Variants in MYO16 observed in about 807,000 individuals in gnomAD.
MYO16 encodes myosin XVI.
Under a neutral mutation model 205.3 loss-of-function variants are expected in MYO16, and 94 were observed. The observed-to-expected ratio is 0.46, with a 90% CI of 0.39 to 0.54. MYO16 has a LOEUF of 0.54. Ranked by LOEUF, MYO16 falls within the 20% of genes least tolerant of loss-of-function variation. The probability of loss-of-function intolerance (pLI) is 0.00; values close to 1 mark genes in which losing one functional copy is unlikely to be tolerated. For missense variants in MYO16, 2,315 were observed against 2,387.5 expected, an observed-to-expected ratio of 0.97 and a Z score of 0.63; for synonymous variants, 988 against 954.0, an observed-to-expected ratio of 1.04 and a Z score of -0.66.
At position 108,962,481 on chromosome 13, in the gene MYO16, T is replaced by A; in HGVS notation, c.2213T>A (p.Ile738Asn). The A allele has an allele frequency of 6.3e-7, 1 of 1,581,878 alleles. No homozygotes were observed. The highest frequency in any genetic ancestry group is 1.9e-5 in the Admixed American group (1 of 51,708). Residue 738 changes from isoleucine to asparagine, a missense_variant, in exon 19 of 35, where the codon ATT (isoleucine) becomes AAT (asparagine). Ile to Asn is a moderately radical substitution (Grantham distance 149). Transcript: ENST00000457511. ...DELASALTTD[I>N]QYFKGDMIIR... Reference sequence around the variant, plus strand: ...TTGGCATCTGCCTTAACAACTGATATTCAATATTTTAAAGGTAATTTTTTT... The same window carrying A: ...TTGGCATCTGCCTTAACAACTGATAATCAATATTTTAAAGGTAATTTTTTT...
intron 1 of MYO16, among the ~76,000 whole-genome samples, chr13:108,603,784 G>T (rs959873486): frequency 6.6e-6 from 1 of 152,246 alleles, no homozygotes; most frequent in South Asian, 2.1e-4. Context: ...CTATTTGCCT[G>T]TCTCTCAGTC....
chr13:108,770,780 TAAAG>T (rs1432404783), intron 4 of MYO16, among the ~76,000 whole-genome samples: 4 of 152,186 alleles, frequency 2.6e-5, no homozygotes, highest in Non-Finnish European at 5.9e-5. Context: ...AATTCCAACA[TAAAG>T]AACTTTTCTC....
At chr13:108,571,589 ACT>A in the MYO16 span, among the ~76,000 whole-genome samples, 1 of 152,144 alleles carries the variant, frequency 6.6e-6, no homozygotes, top group African/African-American at 2.4e-5. Flanking sequence ...ACCTGGAGCC[ACT>A]CTCTTTGAGT....
At chr13:108,846,965 A>G (rs1877556673) in intron 10 of MYO16, among the ~76,000 whole-genome samples, 1 of 152,140 alleles carries the variant, frequency 6.6e-6, no homozygotes, top group Non-Finnish European at 1.5e-5. Flanking sequence ...AGCTGTATTA[A>G]TTAGGTGTTT....
the MYO16 span, among the ~76,000 whole-genome samples, chr13:108,577,195 T>A: frequency 0.016 from 2,482 of 152,310 alleles, 58 homozygotes; most frequent in South Asian, 0.087. Flanking sequence ...TTAAGAGCTA[T>A]ACAAAAATGA....
chr13:108,724,763 A>C (rs1884283133), intron 3 of MYO16, among the ~76,000 whole-genome samples: 1 of 152,020 alleles, frequency 6.6e-6, no homozygotes, highest in Non-Finnish European at 1.5e-5. Flanking sequence ...ATTCCTTACA[A>C]TATTATGTTT....
upstream of MYO16, among the ~76,000 whole-genome samples, chr13:108,625,789 A>G (rs964248469): frequency 5.9e-5 from 9 of 152,214 alleles, no homozygotes; most frequent in African/African-American, 2.2e-4. Flanking sequence ...GTCATGACCT[A>G]CTGTTAATAC....
At chr13:108,611,202 A>ATAGTAAG (rs1879161098) in intron 1 of MYO16, among the ~76,000 whole-genome samples, 1 of 152,200 alleles carries the variant, frequency 6.6e-6, no homozygotes, top group Non-Finnish European at 1.5e-5. Flanking sequence ...AGACAATGGC[A>ATAGTAAG]TAGTAAGATC....
At chr13:108,891,665 T>G (rs1204894010) in intron 14 of MYO16, among the ~76,000 whole-genome samples, 1 of 152,236 alleles carries the variant, frequency 6.6e-6, no homozygotes, top group Non-Finnish European at 1.5e-5. Flanking sequence ...CGGAGGTGCC[T>G]CTGATGCTGA....
chr13:108,929,703 A>T (rs1326622718), intron 16 of MYO16, among the ~76,000 whole-genome samples: 1 of 152,186 alleles, frequency 6.6e-6, no homozygotes, highest in South Asian at 2.1e-4. Context: ...CCTGCCTTCC[A>T]TGGGAGGACC....
intron 22 of MYO16, among the ~76,000 whole-genome samples, chr13:109,009,754 T>C (rs1475762328): frequency 1.3e-5 from 2 of 152,234 alleles, no homozygotes; most frequent in East Asian, 3.8e-4. Flanking sequence ...TCCATAAAGA[T>C]AGATTTCTAA....
chr13:108,565,961 A>G, the MYO16 span, among the ~76,000 whole-genome samples: 4 of 151,102 alleles, frequency 2.6e-5, no homozygotes, highest in Admixed American at 2.6e-4. Context: ...TTTTGCATCA[A>G]TATTTGTCAG....
chr13:109,092,614 A>G (rs553902516), intron 27 of MYO16, among the ~76,000 whole-genome samples: 1 of 152,296 alleles, frequency 6.6e-6, no homozygotes, highest in East Asian at 1.9e-4. Context: ...AAAGATAACT[A>G]TTGGGTACTG....
chr13:109,052,432 C>T lies in MYO16; in HGVS notation c.3005C>T (p.Ser1002Phe). The T allele has an allele frequency of 1.2e-6, 2 of 1,611,750 alleles. No homozygotes were observed. The highest frequency in any genetic ancestry group is 1.7e-6 in the Non-Finnish European group (2 of 1,178,546). ...SALLSKKMTASSIIGENKNYL... is the reference protein window; with the variant it reads ...SALLSKKMTAFSIIGENKNYL... ...CTGCTCAGTAAGAAAATGACAGCTT[C>T]TTCAATTATTGGAGAAAACAAGAAT... The change falls in exon 25 of 35, where the codon TCT (serine) becomes TTT (phenylalanine). Residue 1002 changes from serine (S) to phenylalanine (F), a missense_variant. This residue lies in a region of MYO16 where 1,213 missense variants were observed against 1,274.4 expected (regional missense o/e 0.95). Transcript: ENST00000457511.
the MYO16 span, among the ~76,000 whole-genome samples, chr13:108,585,771 T>G: frequency 6.6e-6 from 1 of 152,162 alleles, no homozygotes; most frequent in African/African-American, 2.4e-5. Flanking sequence ...GATGAGAATT[T>G]GTGGTTTATA....
At chr13:109,153,758 C>CA (rs888680199) in intron 32 of MYO16, among the ~76,000 whole-genome samples, 18 of 150,234 alleles carry the variant, frequency 1.2e-4, no homozygotes, top group Admixed American at 5.3e-4. Flanking sequence ...GACTCTGTCT[C>CA]AAAAAAAAAG....
At chr13:108,559,805 T>G in the MYO16 span, among the ~76,000 whole-genome samples, 178 of 152,194 alleles carry the variant, frequency 1.2e-3, 1 homozygote, top group Non-Finnish European at 1.9e-3. Context: ...TAAAAACTCA[T>G]GCAAGTGCAC....
At chr13:109,024,011 A>T (rs1886271016) in intron 23 of MYO16, among the ~76,000 whole-genome samples, 1 of 137,478 alleles carries the variant, frequency 7.3e-6, no homozygotes, top group Non-Finnish European at 1.6e-5. Context: ...TAGAAATATT[A>T]TATATACAAT....
At chr13:109,071,596 A>C (rs1376388358) in intron 27 of MYO16, among the ~76,000 whole-genome samples, 1 of 152,186 alleles carries the variant, frequency 6.6e-6, no homozygotes, top group African/African-American at 2.4e-5. Context: ...TTTTGAAAGA[A>C]CTTCTTCTAT....
Sources: allele counts gnomAD v4.1 joint callset (sites outside exome capture counted in the v4.1 genomes callset), GRCh38; gene constraint gnomAD v4.1.1; regional missense constraint gnomAD v4.1.1; transcripts MANE v1.5; gene names NCBI Gene and HGNC (gene_info 2026-07-23, HGNC 2026-07-21).